KIF26B: variants seen among roughly 807,000 people sequenced by gnomAD.
The protein encoded by KIF26B is kinesin family member 26B, also known as kinesin-like protein KIF26B.
In KIF26B, 63 loss-of-function variants were observed where a neutral mutation model predicts 151.2. The ratio of observed to expected loss-of-function variants is 0.42; its 90% CI spans 0.34 to 0.51. The LOEUF (loss-of-function observed/expected upper bound fraction) is 0.51, where lower values mean the gene tolerates loss of function less well. Among genes scored for constraint, KIF26B ranks in the 20% least tolerant of loss-of-function variants. The probability of loss-of-function intolerance (pLI) is 0.07; values close to 1 mark genes in which losing one functional copy is unlikely to be tolerated. For synonymous variants in KIF26B, 1,357 were observed against 1,262.1 expected, an observed-to-expected ratio of 1.08 and a Z score of -1.59; for missense variants, 2,813 against 2,913.6, an observed-to-expected ratio of 0.97 and a Z score of 0.79.
intron 10 of KIF26B, among the ~76,000 whole-genome samples, chr1:245,660,529 C>G (rs1423894494): frequency 6.6e-6 from 1 of 151,646 alleles, no homozygotes; most frequent in Non-Finnish European, 1.5e-5. Flanking sequence ...TTTCTAGAGC[C>G]AGGGTCTCAC....
At chr1:245,568,190 A>T (rs2043029806) in intron 5 of KIF26B, among the ~76,000 whole-genome samples, 1 of 134,842 alleles carries the variant, frequency 7.4e-6, no homozygotes, top group Non-Finnish European at 1.6e-5. Flanking sequence ...ATCTCAAAAA[A>T]AAAAAAAAAA....
rs559295013 is a variant in KIF26B, at chr1:245,196,801, G to T, written c.465+40118G>T. ...AGGCTACTCTTTTAAGGAAATGATTGCCGGTCACCTCAAATGGTTCCGAGC... is the reference window on the plus strand; with the variant it reads ...AGGCTACTCTTTTAAGGAAATGATTTCCGGTCACCTCAAATGGTTCCGAGC... On this transcript the variant is annotated intron_variant, in intron 2 of 14. Coordinates refer to ENST00000407071, the MANE Select transcript of KIF26B (RefSeq NM_018012.4). Among the ~76,000 whole-genome samples, 6 of 152,238 alleles carry T rather than the reference G, an allele frequency of 3.9e-5. No homozygotes were observed. In the South Asian group the frequency reaches 1.2e-3, roughly 32 times the overall value.
At chr1:245,454,563 C>A (rs1387085492) in intron 4 of KIF26B, among the ~76,000 whole-genome samples, 1 of 152,150 alleles carries the variant, frequency 6.6e-6, no homozygotes, top group Non-Finnish European at 1.5e-5. Context: ...GGCCAACAAA[C>A]CTTAGCCTTT....
intron 2 of KIF26B, among the ~76,000 whole-genome samples, chr1:245,269,901 G>A (rs191986678): frequency 1.6e-3 from 236 of 152,208 alleles, no homozygotes; most frequent in Middle Eastern, 6.8e-3. Flanking sequence ...GTGATGCAGC[G>A]AACATGGGAA....
intron 10 of KIF26B, among the ~76,000 whole-genome samples, chr1:245,675,053 C>T (rs1246306830): frequency 6.6e-6 from 1 of 152,110 alleles, no homozygotes; most frequent in Non-Finnish European, 1.5e-5. Context: ...CTCATGGCTA[C>T]AATTTATTAT....
At chr1:245,309,059 C>G (rs986580332) in intron 2 of KIF26B, among the ~76,000 whole-genome samples, 2 of 152,152 alleles carry the variant, frequency 1.3e-5, no homozygotes, top group Non-Finnish European at 2.9e-5. Flanking sequence ...GGATGTGGCT[C>G]TCACCCTTGA....
chr1:245,586,754 C>T (rs1007018315), intron 5 of KIF26B, among the ~76,000 whole-genome samples: 7 of 151,862 alleles, frequency 4.6e-5, no homozygotes, highest in East Asian at 1.9e-4. Context: ...GGCGCGGTGG[C>T]GGGCGCCTGT....
chr1:245,292,630 A>C (rs1052890341), intron 2 of KIF26B, among the ~76,000 whole-genome samples: 1 of 152,164 alleles, frequency 6.6e-6, no homozygotes, highest in Non-Finnish European at 1.5e-5. Flanking sequence ...TGCCTTAGGC[A>C]TCTGGTTTTC....
intron 2 of KIF26B, among the ~76,000 whole-genome samples, chr1:245,174,490 A>AT (rs1265109484): frequency 3.4e-5 from 2 of 58,590 alleles, no homozygotes; most frequent in East Asian, 7.5e-4. Flanking sequence ...TTCAGCAACT[A>AT]TGTATGTACT....
chr1:245,175,757 C>T (rs1315165117), intron 2 of KIF26B, among the ~76,000 whole-genome samples: 1 of 151,896 alleles, frequency 6.6e-6, no homozygotes, highest in African/African-American at 2.4e-5. Context: ...AAAGCCTCTT[C>T]GTTTGTTCCA....
rs1043685760 is a variant in KIF26B, at chr1:245,170,196, C to T, written c.465+13513C>T. Reference sequence around the variant, plus strand: ...AAGTGCCGTGATGCCATCCCACTGACATGGCCTCCTGTATTCCAGCAAAGA... The same window carrying T: ...AAGTGCCGTGATGCCATCCCACTGATATGGCCTCCTGTATTCCAGCAAAGA... On this transcript the variant is annotated intron_variant, in intron 2 of 14. Transcript: ENST00000407071. This position sits in a 1 kb window ranked among gnomAD's most constrained non-coding sequence, Gnocchi z 4.4. Among the ~76,000 whole-genome samples, 1 of 152,188 alleles carries T rather than the reference C, an allele frequency of 6.6e-6. No homozygotes were observed. Among genetic ancestry groups the T allele is most frequent in the African/African-American group, 2.4e-5 (1 of 41,446 alleles).
chr1:245,693,901 C>T (rs915191491), intron 12 of KIF26B, among the ~76,000 whole-genome samples: 1 of 152,220 alleles, frequency 6.6e-6, no homozygotes, highest in African/African-American at 2.4e-5. Context: ...AGCGAACCAA[C>T]CTAGAGCCAG....
At chr1:245,465,802 G>T (rs139805822) in intron 4 of KIF26B, among the ~76,000 whole-genome samples, 518 of 152,278 alleles carry the variant, frequency 3.4e-3, no homozygotes, top group African/African-American at 0.012. Context: ...CCACCACCCC[G>T]AGAGGGAGGA....
intron 12 of KIF26B, among the ~76,000 whole-genome samples, chr1:245,695,518 C>A (rs918910518): frequency 6.6e-6 from 1 of 152,148 alleles, no homozygotes; most frequent in African/African-American, 2.4e-5. Context: ...CAGAATTTTA[C>A]GAAAATCCAA....
At chr1:245,550,636 G>A (rs1023829568) in intron 5 of KIF26B, among the ~76,000 whole-genome samples, 1 of 152,256 alleles carries the variant, frequency 6.6e-6, no homozygotes, top group East Asian at 1.9e-4. Context: ...TGAGATTGGT[G>A]CAGTCAGTAT....
chr1:245,620,675 T>C (rs1289339130), intron 9 of KIF26B, among the ~76,000 whole-genome samples: 1 of 152,222 alleles, frequency 6.6e-6, no homozygotes, highest in African/African-American at 2.4e-5. Context: ...GTGCTGGGAT[T>C]ACAGGTGTGA....
chr1:245,211,250 G>T (rs944120964), intron 2 of KIF26B, among the ~76,000 whole-genome samples: 1 of 152,188 alleles, frequency 6.6e-6, no homozygotes, highest in Non-Finnish European at 1.5e-5. Flanking sequence ...TGTGTGGCCT[G>T]AGGCTCTCCC....
intron 2 of KIF26B, among the ~76,000 whole-genome samples, chr1:245,196,926 A>C (rs1392495348): frequency 1.3e-5 from 2 of 152,022 alleles, no homozygotes; most frequent in Non-Finnish European, 2.9e-5. Context: ...TGGATGGTAA[A>C]CTCTTTAAGA....
In KIF26B at chr1:245,564,397, CG is replaced by C. The variant is rs555377253; in HGVS notation, c.1350+23448del. ...CCCGGAGCAGGAACGGGGCCACGGC[CG>C]TGTTTGCATTTTCTGAACCCAGGAT... is the stretch of plus-strand genomic sequence containing the variant. On this transcript the variant is annotated intron_variant, in intron 5 of 14. Transcript: ENST00000407071. The surrounding 1 kb of genome is among the most constrained non-coding windows in gnomAD (Gnocchi z 4.6). Among the ~76,000 whole-genome samples, 2,545 of 152,222 alleles carry C rather than the reference CG, an allele frequency of 0.017. 36 individuals carry two copies. Among genetic ancestry groups the C allele is most frequent in the Non-Finnish European group, 0.026 (1,795 of 68,006 alleles).
Sources: gnomAD v4.1 joint callset for allele counts (sites outside exome capture counted in the v4.1 genomes callset) on GRCh38, gnomAD v4.1.1 for gene constraint, Gnocchi (gnomAD v3.1) non-coding constraint, MANE v1.5 for transcripts, NCBI Gene and HGNC (gene_info 2026-07-23, HGNC 2026-07-21) for gene names.